Variants in ARL6IP6 observed in about 807,000 individuals in gnomAD.
ARL6IP6 encodes the protein ADP-ribosylation factor-like protein 6-interacting protein 6.
Under a neutral mutation model 21.5 loss-of-function variants are expected in ARL6IP6, and 22 were observed. That is an observed-to-expected ratio of 1.02 (90% CI 0.73 to 1.46). The LOEUF is 1.46. Among genes scored for constraint, ARL6IP6 ranks in the 40% most tolerant of loss-of-function variants. The probability of loss-of-function intolerance (pLI) is 0.00; values close to 1 mark genes in which losing one functional copy is unlikely to be tolerated. For synonymous variants in ARL6IP6, 164 were observed against 125.3 expected (o/e 1.31, Z -2.06); for missense variants, 388 against 299.8 (o/e 1.29, Z -2.17).
At chr2:152,722,647 A>C (rs1211258934) in intron 2 of ARL6IP6, among the ~76,000 whole-genome samples, 2 of 152,192 alleles carry the variant, frequency 1.3e-5, no homozygotes, top group African/African-American at 4.8e-5. Flanking sequence ...TCACACGTAT[A>C]ATCCCAACAC....
chr2:152,746,131 C>T (rs1426901673), intron 3 of ARL6IP6, among the ~76,000 whole-genome samples: 1 of 150,758 alleles, frequency 6.6e-6, no homozygotes, highest in African/African-American at 2.4e-5. Flanking sequence ...GATCCTCCCA[C>T]CTCAGACTGC....
intron 2 of ARL6IP6, among the ~76,000 whole-genome samples, chr2:152,733,981 A>T (rs547926442): frequency 2.6e-5 from 4 of 152,294 alleles, no homozygotes; most frequent in Non-Finnish European, 5.9e-5. Flanking sequence ...AATTTTTGAA[A>T]ACTTGACATC....
chr2:152,719,763 A>C (rs954800534), intron 1 of ARL6IP6: 46 of 307,712 alleles, frequency 1.5e-4, no homozygotes, highest in Admixed American at 1.4e-4. Context: ...AAAAAAAAAA[A>C]AAAAAAAAAA....
At chr2:152,753,560 T>C (rs776858219) in intron 3 of ARL6IP6, among the ~76,000 whole-genome samples, 1 of 152,110 alleles carries the variant, frequency 6.6e-6, no homozygotes, top group Non-Finnish European at 1.5e-5. Flanking sequence ...GCCAATTTTC[T>C]ACCAAGAAAA....
chr2:152,725,304 T>C (rs1234802299), intron 2 of ARL6IP6, among the ~76,000 whole-genome samples: 1 of 152,214 alleles, frequency 6.6e-6, no homozygotes, highest in Non-Finnish European at 1.5e-5. Flanking sequence ...TCATCAATTC[T>C]CAACTATGGT....
At chr2:152,741,003 G>A (rs936331264) in intron 3 of ARL6IP6, among the ~76,000 whole-genome samples, 5 of 152,066 alleles carry the variant, frequency 3.3e-5, no homozygotes, top group African/African-American at 1.2e-4. Flanking sequence ...TTTTGAGAAA[G>A]TTGAAATCTT....
intron 3 of ARL6IP6, among the ~76,000 whole-genome samples, chr2:152,742,682 T>G (rs999847693): frequency 6.6e-6 from 1 of 152,106 alleles, no homozygotes; most frequent in Non-Finnish European, 1.5e-5. Flanking sequence ...GGATACCAGC[T>G]GTGCCTTACA....
At chr2:152,726,032 T>G (rs1181230456) in intron 2 of ARL6IP6, among the ~76,000 whole-genome samples, 1 of 152,220 alleles carries the variant, frequency 6.6e-6, no homozygotes, top group African/African-American at 2.4e-5. Flanking sequence ...GAATATAAAT[T>G]TAACAGGATT....
chr2:152,736,055 A>G (rs1362047045), intron 3 of ARL6IP6, among the ~76,000 whole-genome samples: 2 of 152,110 alleles, frequency 1.3e-5, no homozygotes, highest in Admixed American at 6.5e-5. Context: ...TATGTGTATT[A>G]TGTATATGTA....
At chr2:152,725,250 G>A (rs113693733) in intron 2 of ARL6IP6, among the ~76,000 whole-genome samples, 1,548 of 152,184 alleles carry the variant, frequency 0.01, 21 homozygotes, top group African/African-American at 0.036. Context: ...GTCACATATT[G>A]TTCTTTCTCA....
At chr2:152,733,740 T>C (rs995850949) in intron 2 of ARL6IP6, among the ~76,000 whole-genome samples, 11 of 152,236 alleles carry the variant, frequency 7.2e-5, no homozygotes, top group Non-Finnish European at 4.4e-5. Flanking sequence ...TGATGTTACC[T>C]CCTTAAAGTG....
At chr2:152,720,322 T>C (rs1252314487) in intron 1 of ARL6IP6, 3 of 583,934 alleles carry the variant, frequency 5.1e-6, no homozygotes, top group Non-Finnish European at 6.2e-6. Context: ...TCTCATCCTA[T>C]GTACGGTATA....
intron 3 of ARL6IP6, among the ~76,000 whole-genome samples, chr2:152,752,188 T>A (rs1209016242): frequency 6.6e-6 from 1 of 152,212 alleles, no homozygotes; most frequent in Non-Finnish European, 1.5e-5. Context: ...TTCAGTCTTT[T>A]CAAACCCCTC....
At chr2:152,746,943 C>T (rs953612511) in intron 3 of ARL6IP6, among the ~76,000 whole-genome samples, 4 of 150,424 alleles carry the variant, frequency 2.7e-5, no homozygotes, top group Non-Finnish European at 4.4e-5. Context: ...CTCCTGCCTC[C>T]GCCTCCCAAA....
At chr2:152,732,506 G>A in intron 2 of ARL6IP6, 1 of 422,306 alleles carries the variant, frequency 2.4e-6, no homozygotes, top group South Asian at 1.8e-5. Context: ...TTGGATTGCT[G>A]GTCTTTTTTT....
At chr2:152,725,662 G>A (rs1292766574) in intron 2 of ARL6IP6, among the ~76,000 whole-genome samples, 1 of 150,558 alleles carries the variant, frequency 6.6e-6, no homozygotes, top group Non-Finnish European at 1.5e-5. Flanking sequence ...AAAAAAAAAA[G>A]CAGGAATAAT....
chr2:152,742,777 T>A (rs1700877183), intron 3 of ARL6IP6, among the ~76,000 whole-genome samples: 2 of 152,100 alleles, frequency 1.3e-5, no homozygotes, highest in Admixed American at 6.6e-5. Context: ...TTAAACATTA[T>A]GGGGGAACTA....
intron 3 of ARL6IP6, among the ~76,000 whole-genome samples, chr2:152,759,399 G>T (rs1371551022): frequency 6.6e-6 from 1 of 152,128 alleles, no homozygotes; most frequent in Non-Finnish European, 1.5e-5. Context: ...ATTAATGAAA[G>T]AACTGTTTGT....
chr2:152,759,264 C>A (rs1402554962), intron 3 of ARL6IP6, among the ~76,000 whole-genome samples: 1 of 152,112 alleles, frequency 6.6e-6, no homozygotes, highest in African/African-American at 2.4e-5. Flanking sequence ...GCTGAAATAT[C>A]TATGAAAGAC....
Sources: allele counts gnomAD v4.1 joint callset (sites outside exome capture counted in the v4.1 genomes callset), GRCh38; gene constraint gnomAD v4.1.1; transcripts MANE v1.5; gene names NCBI Gene and HGNC (gene_info 2026-07-23, HGNC 2026-07-21).